The following TM2D1 variants were observed in gnomAD, a reference collection of about 807,000 sequenced individuals.
TM2D1 encodes TM2 domain containing 1, also known as TM2 domain-containing protein 1.
In TM2D1, 15 loss-of-function variants were observed where a neutral mutation model predicts 28.4. That is an observed-to-expected ratio of 0.53 (90% confidence interval 0.35 to 0.81). TM2D1 has a LOEUF of 0.81. Among genes scored for constraint, TM2D1 ranks in the 40% least tolerant of loss-of-function variants. The probability of loss-of-function intolerance (pLI) is 0.01; values close to 1 mark genes in which losing one functional copy is unlikely to be tolerated. For synonymous variants in TM2D1, 93 were observed against 96.2 expected, an observed-to-expected ratio of 0.97 and a Z score of 0.20; for missense variants, 236 against 254.9, an observed-to-expected ratio of 0.93 and a Z score of 0.50.
chr1:61,721,496 T>C (rs1336206701), intron 2 of TM2D1, among the ~76,000 whole-genome samples: 8 of 147,920 alleles, frequency 5.4e-5, no homozygotes, highest in Non-Finnish European at 1.2e-4. Flanking sequence ...GAGCTGAGAT[T>C]GCGCCACTGC....
At chr1:61,700,348 G>A in intron 4 of TM2D1, 2 of 1,348,626 alleles carry the variant, frequency 1.5e-6, no homozygotes, top group Non-Finnish European at 1.9e-6. Context: ...GCATGTGAAA[G>A]TACTGTTTAA....
At chr1:61,722,527 C>A (rs1197351222) in intron 2 of TM2D1, among the ~76,000 whole-genome samples, 2 of 151,948 alleles carry the variant, frequency 1.3e-5, no homozygotes, top group African/African-American at 4.8e-5. Context: ...CATCACTGCA[C>A]CTGGCTAATT....
chr1:61,688,961 C>T (rs1451112469), intron 5 of TM2D1, among the ~76,000 whole-genome samples: 3 of 152,016 alleles, frequency 2.0e-5, no homozygotes, highest in African/African-American at 7.2e-5. Context: ...TGCTTGAACC[C>T]GGGAGGTGGA....
chr1:61,685,842 C>T (rs1644281323), intron 5 of TM2D1, among the ~76,000 whole-genome samples: 1 of 151,626 alleles, frequency 6.6e-6, no homozygotes, highest in Non-Finnish European at 1.5e-5. Context: ...TTGCCTCTAC[C>T]AAAAAAAATG....
chr1:61,711,712 T>C (rs779795810), intron 2 of TM2D1, among the ~76,000 whole-genome samples: 12 of 152,176 alleles, frequency 7.9e-5, no homozygotes, highest in Non-Finnish European at 1.6e-4. Context: ...GGCACAGGGA[T>C]AAAATTTATT....
At chr1:61,682,377 A>C (rs1444676364) in intron 6 of TM2D1, among the ~76,000 whole-genome samples, 1 of 152,128 alleles carries the variant, frequency 6.6e-6, no homozygotes, top group Non-Finnish European at 1.5e-5. Context: ...ACCCTACATG[A>C]TATATAGGAT....
chr1:61,688,625 A>G (rs1223994377), intron 5 of TM2D1, among the ~76,000 whole-genome samples: 1 of 151,550 alleles, frequency 6.6e-6, no homozygotes, highest in East Asian at 1.9e-4. Flanking sequence ...CAGGAGGCTG[A>G]GGCAGAAGAA....
chr1:61,687,354 A>G (rs1644291724), intron 5 of TM2D1, among the ~76,000 whole-genome samples: 1 of 152,240 alleles, frequency 6.6e-6, no homozygotes, highest in African/African-American at 2.4e-5. Flanking sequence ...TATTCTGAAC[A>G]CAATTAATGC....
intron 2 of TM2D1, among the ~76,000 whole-genome samples, chr1:61,711,599 G>A (rs1164063595): frequency 6.6e-6 from 1 of 150,778 alleles, no homozygotes; most frequent in African/African-American, 2.5e-5. Context: ...CTGCACTCCA[G>A]CCTGGGCAAC....
chr1:61,701,310 CAAAAAAAA>C (rs10587870), intron 3 of TM2D1, among the ~76,000 whole-genome samples: 135 of 84,080 alleles, frequency 1.6e-3, no homozygotes, highest in Middle Eastern at 0.01. Flanking sequence ...TAAATGTTAA[CAAAAAAAA>C]AAAAAAAAAA....
intron 2 of TM2D1, among the ~76,000 whole-genome samples, chr1:61,710,962 CA>C (rs925239989): frequency 1.3e-4 from 20 of 152,066 alleles, no homozygotes; most frequent in African/African-American, 4.1e-4. Flanking sequence ...TTATTTAATG[CA>C]TGGAAATTTC....
chr1:61,721,950 C>CT (rs1644570790), intron 2 of TM2D1, among the ~76,000 whole-genome samples: 1 of 68,714 alleles, frequency 1.5e-5, no homozygotes, highest in Non-Finnish European at 2.6e-5. Context: ...ATCTCTACAG[C>CT]TAAAAAAAAA....
intron 2 of TM2D1, among the ~76,000 whole-genome samples, chr1:61,710,832 T>C (rs1301136559): frequency 6.6e-6 from 1 of 152,136 alleles, no homozygotes; most frequent in African/African-American, 2.4e-5. Context: ...TGTCCTCTTT[T>C]AGGCAAGAAT....
chr1:61,724,307 C>T (rs1028622043), intron 1 of TM2D1: 6 of 152,628 alleles, frequency 3.9e-5, no homozygotes, highest in African/African-American at 1.4e-4. Context: ...GTGGCGCATG[C>T]CTGTAGTCCC....
At chr1:61,682,437 C>CT (rs1283338306) in intron 6 of TM2D1, among the ~76,000 whole-genome samples, 1 of 152,140 alleles carries the variant, frequency 6.6e-6, no homozygotes, top group South Asian at 2.1e-4. Context: ...TCCTGATATT[C>CT]TACCAAAATC....
At position 61,723,764 on chromosome 1, in the gene TM2D1, T is replaced by C. The variant is rs1177143374; in HGVS notation, c.187A>G (p.Ile63Val). Residue 63 changes from isoleucine to valine, a missense_variant, in exon 2 of 7, where the codon ATA (isoleucine) becomes GTA (valine). This residue lies in a region of TM2D1 where 167 missense variants were observed against 162.7 expected (regional missense o/e 1.03). Coordinates refer to ENST00000606498, the MANE Select transcript of TM2D1 (RefSeq NM_032027.3). ...ACTGGTTCTTGCGTAGCGTCATTTATTTTTGGATCTTTACAAATATATGTA... is the reference window on the plus strand; with the variant it reads ...ACTGGTTCTTGCGTAGCGTCATTTACTTTTGGATCTTTACAAATATATGTA... ...VGQYICKDPK[I>V]NDATQEPVNC... The C allele has an allele frequency of 6.5e-7, 1 of 1,545,086 alleles. No individual in the cohort carries two copies. The highest frequency in any genetic ancestry group is 8.8e-7 in the Non-Finnish European group (1 of 1,136,302).
At chr1:61,718,290 CA>C (rs11356996) in intron 2 of TM2D1, among the ~76,000 whole-genome samples, 54,585 of 142,318 alleles carry the variant, frequency 0.38, 11,274 homozygotes, top group African/African-American at 0.59. Flanking sequence ...ACCCCATCTC[CA>C]AAAAAAAAAA....
chr1:61,707,469 A>G (rs1048676791), intron 3 of TM2D1, among the ~76,000 whole-genome samples: 1 of 152,174 alleles, frequency 6.6e-6, no homozygotes, highest in African/African-American at 2.4e-5. Flanking sequence ...ACTGTAACCT[A>G]TATCTTGGAC....
intron 2 of TM2D1, among the ~76,000 whole-genome samples, chr1:61,721,479 T>G (rs1644563841): frequency 6.7e-6 from 1 of 149,630 alleles, no homozygotes; most frequent in Admixed American, 6.7e-5. Flanking sequence ...GAGGCAGAGG[T>G]TGCAATGAGC....
Sources: allele counts gnomAD v4.1 joint callset (sites outside exome capture counted in the v4.1 genomes callset), GRCh38; gene constraint gnomAD v4.1.1; regional missense constraint gnomAD v4.1.1; transcripts MANE v1.5; gene names NCBI Gene and HGNC (gene_info 2026-07-23, HGNC 2026-07-21).